Variants in NRXN3 observed in about 807,000 individuals in gnomAD.
The protein encoded by NRXN3 is neurexin 3.
A neutral mutation model predicts 137.6 loss-of-function variants in NRXN3; 32 were observed. The ratio of observed to expected loss-of-function variants is 0.23; its 90% CI spans 0.18 to 0.31. The LOEUF is 0.31. Among genes scored for constraint, NRXN3 ranks in the 10% least tolerant of loss-of-function variants. NRXN3 has a pLI of 1.00. For synonymous variants in NRXN3, 798 were observed against 784.5 expected (o/e 1.02, Z -0.29); for missense variants, 1,574 against 2,062.5 (o/e 0.76, Z 4.59).
chr14:79,467,479 A>G (rs2096443741), intron 16 of NRXN3, 77 bp downstream of exon 16: 1 of 1,327,874 alleles, frequency 7.5e-7, no homozygotes, highest in Admixed American at 2.1e-5. Flanking sequence ...ACGCAGCAGA[A>G]CATTCTAGAT....
intron 2 of NRXN3, among the ~76,000 whole-genome samples, chr14:78,260,497 A>G (rs2070506375): frequency 6.6e-6 from 1 of 152,178 alleles, no homozygotes; most frequent in Admixed American, 6.5e-5. Context: ...AATTTCATCC[A>G]AGTTGAAATG....
intron 19 of NRXN3, among the ~76,000 whole-genome samples, chr14:79,719,820 CTTGT>C (rs934581139): frequency 4.1e-4 from 63 of 152,146 alleles, no homozygotes; most frequent in African/African-American, 1.4e-3. Context: ...CTTGAGCATG[CTTGT>C]TTATCTATAA....
intron 19 of NRXN3, among the ~76,000 whole-genome samples, chr14:79,719,404 A>ATATATATGTGTGTG (rs915582396): frequency 2.7e-5 from 4 of 149,810 alleles, no homozygotes; most frequent in East Asian, 2.0e-4. Flanking sequence ...ATATGTGTGT[A>ATATATATGTGTGTG]TATATATATA....
intron 10 of NRXN3, among the ~76,000 whole-genome samples, chr14:78,868,747 G>A (rs1226755482): frequency 1.3e-5 from 2 of 151,970 alleles, no homozygotes; most frequent in African/African-American, 4.8e-5. Flanking sequence ...CTTGAACCTG[G>A]GAGGAGGAGG....
chr14:79,711,916 C>T (rs116118199), intron 19 of NRXN3, among the ~76,000 whole-genome samples: 2,460 of 152,188 alleles, frequency 0.016, 64 homozygotes, highest in African/African-American at 0.054. Flanking sequence ...TGGGAAGGGC[C>T]TTTTAGCTAG....
intron 18 of NRXN3, among the ~76,000 whole-genome samples, chr14:79,695,414 A>G (rs2098731915): frequency 6.6e-6 from 1 of 151,982 alleles, no homozygotes; most frequent in Non-Finnish European, 1.5e-5. Flanking sequence ...AGATGGATAA[A>G]TATTATGATT....
intron 10 of NRXN3, among the ~76,000 whole-genome samples, chr14:78,955,810 G>A (rs117311558): frequency 0.019 from 2,908 of 152,270 alleles, 45 homozygotes; most frequent in South Asian, 0.052. Context: ...ATTAAAAGGT[G>A]TAGTTTGAAA....
At chr14:79,144,220 TTCAACACAG>T (rs1272952143) in intron 15 of NRXN3, among the ~76,000 whole-genome samples, 1 of 152,182 alleles carries the variant, frequency 6.6e-6, no homozygotes, top group Admixed American at 6.5e-5. Flanking sequence ...TCTTTTCTAC[TTCAACACAG>T]TCCCCACCAT....
chr14:79,236,325 A>G (rs2073355093), intron 15 of NRXN3, among the ~76,000 whole-genome samples: 1 of 152,054 alleles, frequency 6.6e-6, no homozygotes, highest in South Asian at 2.1e-4. Context: ...ATATATATGT[A>G]TGTGTATTTA....
rs181876812 is a variant in NRXN3, at chr14:78,290,771, T to C, written c.728-7060T>C. ...GTGGCAGACTTCTTCAGTCTGCATG[T>C]CTCTTGAGTTTCTCCATTCAAAAGC... On this transcript the variant is annotated intron_variant, in intron 3 of 20. Coordinates refer to ENST00000335750, the MANE Select transcript of NRXN3 (RefSeq NM_001330195.2). Among the ~76,000 whole-genome samples the C allele has an allele frequency of 2.1e-3, 323 of 152,324 alleles. 2 individuals are homozygous for C. Among genetic ancestry groups the C allele is most frequent in the Non-Finnish European group, 2.8e-3 (191 of 68,028 alleles).
intron 4 of NRXN3, among the ~76,000 whole-genome samples, chr14:78,542,902 G>A (rs1324675746): frequency 6.6e-6 from 1 of 152,144 alleles, no homozygotes; most frequent in Admixed American, 6.5e-5. Flanking sequence ...GGGGCTATGG[G>A]AATGTCATCT....
intron 15 of NRXN3, among the ~76,000 whole-genome samples, chr14:79,261,062 C>T (rs1344442549): frequency 6.6e-6 from 1 of 152,060 alleles, no homozygotes; most frequent in South Asian, 2.1e-4. Flanking sequence ...AAGAAAGGGG[C>T]TCCAGCTGGA....
intron 15 of NRXN3, among the ~76,000 whole-genome samples, chr14:79,111,548 G>C (rs1184253851): frequency 1.3e-5 from 2 of 152,094 alleles, no homozygotes; most frequent in Admixed American, 6.5e-5. Flanking sequence ...AGACCAGCCT[G>C]GTCAACATGG....
At chr14:78,583,724 G>A (rs1173215667) in intron 4 of NRXN3, among the ~76,000 whole-genome samples, 1 of 152,136 alleles carries the variant, frequency 6.6e-6, no homozygotes, top group Non-Finnish European at 1.5e-5. Context: ...TGATGTGCAC[G>A]GTGGGTAACA....
intron 15 of NRXN3, among the ~76,000 whole-genome samples, chr14:79,060,696 C>T (rs186566678): frequency 2.3e-4 from 35 of 152,184 alleles, no homozygotes; most frequent in Admixed American, 8.5e-4. Context: ...TTAACTTCTC[C>T]GTGTCTCAGC....
chr14:78,404,652 G>T (rs950493514), intron 4 of NRXN3, among the ~76,000 whole-genome samples: 3 of 152,150 alleles, frequency 2.0e-5, no homozygotes, highest in Admixed American at 1.3e-4. Flanking sequence ...ACCAGGGACT[G>T]TGCCTCATTC....
chr14:78,492,513 T>A (rs1161052509), intron 4 of NRXN3, among the ~76,000 whole-genome samples: 3 of 152,154 alleles, frequency 2.0e-5, no homozygotes, highest in Non-Finnish European at 4.4e-5. Context: ...TTTAGATATA[T>A]TAGTTTTAGT....
intron 1 of NRXN3, among the ~76,000 whole-genome samples, chr14:78,237,602 A>G (rs559745654): frequency 3.6e-4 from 55 of 152,318 alleles, no homozygotes; most frequent in Admixed American, 1.1e-3. Context: ...AAGTCCCGGC[A>G]TTAACTCAAA....
At chr14:78,492,009 C>T (rs923992141) in intron 4 of NRXN3, among the ~76,000 whole-genome samples, 2 of 152,150 alleles carry the variant, frequency 1.3e-5, no homozygotes, top group Non-Finnish European at 2.9e-5. Flanking sequence ...ATGTGGGCAA[C>T]GCTGACTCTG....
Sources: allele counts gnomAD v4.1 joint callset (sites outside exome capture counted in the v4.1 genomes callset), GRCh38; gene constraint gnomAD v4.1.1; transcripts MANE v1.5; gene names NCBI Gene and HGNC (gene_info 2026-07-23, HGNC 2026-07-21).